SRCIN1: variants seen among roughly 807,000 people sequenced by gnomAD.
The protein encoded by SRCIN1 is SRC kinase signaling inhibitor 1, also known as P130Cas-associated protein.
In SRCIN1, 50 loss-of-function variants were observed where a neutral mutation model predicts 116.2. The ratio of observed to expected loss-of-function variants is 0.43; its 90% CI spans 0.34 to 0.54. The LOEUF is 0.54. Ranked by LOEUF, SRCIN1 falls within the 20% of genes least tolerant of loss-of-function variation. SRCIN1 has a pLI of 0.02. For synonymous variants in SRCIN1, 736 were observed against 750.0 expected (o/e 0.98, Z 0.30); for missense variants, 1,446 against 1,672.0 (o/e 0.86, Z 2.36).
rs531793032 is a variant in SRCIN1, at chr17:38,595,664, A to T, written c.22+10020T>A. 2.0e-5 allele frequency among the ~76,000 whole-genome samples: 3 copies of T among 152,306 alleles called. No homozygotes were observed. In the South Asian group the frequency reaches 6.2e-4, roughly 32 times the overall value. On this transcript the variant is annotated intron_variant, in intron 1 of 18. Coordinates refer to ENST00000617146, the MANE Select transcript of SRCIN1 (RefSeq NM_025248.3). Reference sequence around the variant, plus strand: ...TCCCCCACCCTCTGGGCATCACTGGAACATGGGCTTCCCCCCATAAGAGGT... The same window carrying T: ...TCCCCCACCCTCTGGGCATCACTGGTACATGGGCTTCCCCCCATAAGAGGT...
chr17:38,573,120 C>T (rs989585855), intron 2 of SRCIN1, among the ~76,000 whole-genome samples: 15 of 152,148 alleles, frequency 9.9e-5, no homozygotes, highest in Admixed American at 7.9e-4. Context: ...CCTCTGGTGC[C>T]CTCCCAGGAT....
intron 1 of SRCIN1, among the ~76,000 whole-genome samples, chr17:38,586,039 G>A (rs1367213814): frequency 6.6e-6 from 1 of 152,240 alleles, no homozygotes; most frequent in African/African-American, 2.4e-5. Context: ...GGAAGACAGA[G>A]AGGAAGTGGG....
intron 1 of SRCIN1, among the ~76,000 whole-genome samples, chr17:38,594,633 C>T (rs1446407985): frequency 6.6e-6 from 1 of 152,120 alleles, no homozygotes; most frequent in East Asian, 1.9e-4. Context: ...CCCATCACTA[C>T]TTTTTCTTTA....
intron 18 of SRCIN1, among the ~76,000 whole-genome samples, chr17:38,540,007 C>G (rs991339429): frequency 8.0e-6 from 1 of 124,786 alleles, no homozygotes; most frequent in African/African-American, 3.3e-5. Flanking sequence ...AGCAACAGAG[C>G]GAGACTCCAT....
Position 38,562,940 on chromosome 17 carries a change from G to T in SRCIN1, c.741-20C>A. The T allele has an allele frequency of 6.3e-7, 1 of 1,586,936 alleles. No individual in the cohort carries two copies. Among genetic ancestry groups the T allele is most frequent in the Non-Finnish European group, 8.6e-7 (1 of 1,157,494 alleles). ...ATGTCCCTGGGAGAGGCGGGGAGAC[G>T]GGGGTCACCACCCATCCCCCAGCTG... On this transcript the variant is annotated intron_variant, in intron 5 of 18. Transcript: ENST00000617146. The surrounding 1 kb of genome is among the most constrained non-coding windows in gnomAD (Gnocchi z 4.2).
chr17:38,556,240 A>G (rs1374805442), intron 11 of SRCIN1, among the ~76,000 whole-genome samples: 2 of 152,264 alleles, frequency 1.3e-5, no homozygotes, highest in Non-Finnish European at 2.9e-5. Flanking sequence ...AGATGGCAAC[A>G]GCAGAGCATT....
chr17:38,580,869 T>G (rs1035831623), intron 1 of SRCIN1, among the ~76,000 whole-genome samples: 1 of 152,220 alleles, frequency 6.6e-6, no homozygotes, highest in Non-Finnish European at 1.5e-5. Flanking sequence ...AGGGTCTTGC[T>G]CTGGCACTCA....
chr17:38,577,557 C>A (rs1470878699), intron 2 of SRCIN1, among the ~76,000 whole-genome samples: 3 of 152,154 alleles, frequency 2.0e-5, no homozygotes, highest in Non-Finnish European at 4.4e-5. Flanking sequence ...GACTGACACA[C>A]CCCCAGGCTT....
In SRCIN1 at chr17:38,530,266, G is replaced by A. The variant is rs2144863474; in HGVS notation, c.*3031C>T. On this transcript the variant is annotated 3_prime_UTR_variant, in exon 19 of 19. Coordinates refer to ENST00000617146, the MANE Select transcript of SRCIN1 (RefSeq NM_025248.3). ...GGGCCCTACAGGGTGGATGGGGCAGGGTGTGGAGCCGGGGCTCACCCCGGG... is the reference window on the plus strand; with the variant it reads ...GGGCCCTACAGGGTGGATGGGGCAGAGTGTGGAGCCGGGGCTCACCCCGGG... 6.6e-6 allele frequency: 1 copy of A among 152,326 alleles called. No homozygotes were observed. Among genetic ancestry groups the A allele is most frequent in the East Asian group, 1.9e-4 (1 of 5,176 alleles). 9.4% of individuals were successfully genotyped at this position (152,326 alleles called of 1,614,324 possible).
rs1905973106 is a variant in SRCIN1, at chr17:38,558,571, G to A, written c.2026-169C>T. ...AGCAGCGAAGGGGTGGGATGGCGAA[G>A]GGCAGGGGCGGGATGGCGAAGGGCA... On this transcript the variant is annotated intron_variant, in intron 10 of 18. Transcript: ENST00000617146. The surrounding 1 kb of genome is among the most constrained non-coding windows in gnomAD (Gnocchi z 4.6). Among the ~76,000 whole-genome samples the A allele has an allele frequency of 6.6e-6, 1 of 151,980 alleles. No homozygotes were observed. The highest frequency in any genetic ancestry group is 2.4e-5 in the African/African-American group (1 of 41,402).
intron 2 of SRCIN1, chr17:38,574,953 G>A (rs1395904212): frequency 2.5e-6 from 1 of 401,148 alleles, no homozygotes; most frequent in African/African-American, 2.0e-5. Context: ...AGGCATACGG[G>A]GTCCACGGTC....
Position 38,558,389 on chromosome 17 carries a change from T to C in SRCIN1, c.2039A>G (p.Glu680Gly), listed in dbSNP as rs1905952557. The change falls in exon 11 of 19, where the codon GAG becomes GGG. Residue 680 changes from glutamate (E) to glycine (G), a missense_variant. Glu to Gly is a moderately conservative substitution (Grantham distance 98). Transcript: ENST00000617146. The surrounding 1 kb of genome is among the most constrained non-coding windows in gnomAD (Gnocchi z 4.6). ...GCGCTTCAGCAGCGCGCGCACCGAC[T>C]CCTGGTTCTGTAGCTGCGGGACGCA... is the stretch of plus-strand genomic sequence containing the variant. Reference protein sequence around the residue: ...QLRKLQLQNQESVRALLKRTE... With the variant: ...QLRKLQLQNQGSVRALLKRTE... The C allele has an allele frequency of 1.2e-6, 2 of 1,602,248 alleles. No homozygotes were observed. The highest frequency in any genetic ancestry group is 1.1e-5 in the South Asian group (1 of 90,712).
At chr17:38,589,386 C>A (rs547777717) in intron 1 of SRCIN1, among the ~76,000 whole-genome samples, 2 of 152,216 alleles carry the variant, frequency 1.3e-5, no homozygotes, top group African/African-American at 4.8e-5. Context: ...CTCGCTAAAG[C>A]GCCAGGTGGA....
At chr17:38,535,213 T>C (rs1468243373) in intron 18 of SRCIN1, among the ~76,000 whole-genome samples, 17 of 149,810 alleles carry the variant, frequency 1.1e-4, no homozygotes, top group Admixed American at 2.0e-4. Context: ...TTCTTTCTTT[T>C]TTTTTTTTTT....
chr17:38,548,719 C>A lies in SRCIN1; in HGVS notation c.3118-10G>T. On this transcript the variant is annotated splice_polypyrimidine_tract_variant and intron_variant, in intron 16 of 18. Coordinates refer to ENST00000617146, the MANE Select transcript of SRCIN1 (RefSeq NM_025248.3). The stretch of plus-strand genomic sequence containing the variant: ...CCTCGGACTCAGCCTTCTGCAAGGC[C>A]CGGGACTCCTGTCAAGGCCAGGCTC... 1 of 1,582,254 alleles carries A rather than the reference C, an allele frequency of 6.3e-7. No homozygotes were observed.
chr17:38,549,323 A>G, intron 15 of SRCIN1, 113 bp from the exon 16 acceptor site: 1 of 1,110,914 alleles, frequency 9.0e-7, no homozygotes, highest in Non-Finnish European at 1.2e-6. Flanking sequence ...GACCAGGAGG[A>G]GGTGAGAGGA....
intron 8 of SRCIN1, 53 bp downstream of exon 8, chr17:38,560,280 T>C (rs1032815666): frequency 5.7e-5 from 88 of 1,542,412 alleles, no homozygotes; most frequent in Non-Finnish European, 7.5e-5. Context: ...CATTTCCCCT[T>C]CCTCCTGCTC....
chr17:38,534,018 G>A (rs1191418773), intron 18 of SRCIN1, among the ~76,000 whole-genome samples: 2 of 152,098 alleles, frequency 1.3e-5, no homozygotes, highest in East Asian at 1.9e-4. Flanking sequence ...AGGCGCTGCC[G>A]CACCAGCCTC....
chr17:38,556,565 G>A (rs1905811543), intron 11 of SRCIN1, among the ~76,000 whole-genome samples: 1 of 150,296 alleles, frequency 6.7e-6, no homozygotes, highest in Admixed American at 6.5e-5. Flanking sequence ...CAGCCAGAGT[G>A]TGGGGCAGGG....
Sources: allele counts gnomAD v4.1 joint callset (sites outside exome capture counted in the v4.1 genomes callset), GRCh38; gene constraint gnomAD v4.1.1; non-coding constraint Gnocchi (gnomAD v3.1); transcripts MANE v1.5; gene names NCBI Gene and HGNC (gene_info 2026-07-23, HGNC 2026-07-21).